SGCZ: variants seen among roughly 807,000 people sequenced by gnomAD.
SGCZ encodes sarcoglycan zeta.
In SGCZ, 40 loss-of-function variants were observed where a neutral mutation model predicts 41.3. The ratio of observed to expected loss-of-function variants is 0.97; its 90% CI spans 0.75 to 1.26. SGCZ has a LOEUF of 1.26. Ranked by LOEUF, SGCZ falls within the 50% of genes most tolerant of loss-of-function variation. The probability of loss-of-function intolerance (pLI) is 0.00; values close to 1 mark genes in which losing one functional copy is unlikely to be tolerated. For missense variants in SGCZ, 552 were observed against 369.8 expected (o/e 1.49, Z -4.04); for synonymous variants, 206 against 137.5 (o/e 1.50, Z -3.49).
At position 14,649,048 on chromosome 8, in the gene SGCZ, C is replaced by T. The variant is rs551585380; in HGVS notation, c.40-94122G>A. Among the ~76,000 whole-genome samples, 197 of 152,186 alleles carry T rather than the reference C, an allele frequency of 1.3e-3. 3 individuals are homozygous for T. Among genetic ancestry groups the T allele is most frequent in the South Asian group, 9.3e-3 (45 of 4,820 alleles). On this transcript the variant is annotated intron_variant, in intron 1 of 7. Transcript: ENST00000382080. The stretch of plus-strand genomic sequence containing the variant: ...GCTGCTGTTTGATCATTTAAAATCA[C>T]GTGTTACATAAATCCTTTTAGCAAC...
At chr8:15,039,900 T>C (rs1172559104) in intron 1 of SGCZ, among the ~76,000 whole-genome samples, 3 of 152,210 alleles carry the variant, frequency 2.0e-5, no homozygotes, top group Non-Finnish European at 4.4e-5. Flanking sequence ...ACTACTAAGT[T>C]CCAATACCAT....
intron 1 of SGCZ, among the ~76,000 whole-genome samples, chr8:14,620,820 AAC>A (rs2117368872): frequency 6.6e-6 from 1 of 152,290 alleles, no homozygotes; most frequent in African/African-American, 2.4e-5. Flanking sequence ...GAGAAATAGG[AAC>A]ACTTTTACAC....
chr8:14,788,020 A>G (rs1190277873), intron 1 of SGCZ, among the ~76,000 whole-genome samples: 1 of 152,148 alleles, frequency 6.6e-6, no homozygotes, highest in Non-Finnish European at 1.5e-5. Flanking sequence ...CAAGCTCTTC[A>G]TTTTTTATTC....
intron 3 of SGCZ, among the ~76,000 whole-genome samples, chr8:14,306,955 T>C (rs988314173): frequency 6.6e-6 from 1 of 152,192 alleles, no homozygotes; most frequent in Non-Finnish European, 1.5e-5. Flanking sequence ...ACTTCACAAA[T>C]AGTTCTCAGC....
At position 14,169,949 on chromosome 8, in the gene SGCZ, C is replaced by G. The variant is rs1804326912; in HGVS notation, c.425-5247G>C. 2.0e-5 allele frequency among the ~76,000 whole-genome samples: 3 copies of G among 152,050 alleles called. No homozygotes were observed. The South Asian group carries it at 6.2e-4, about 31-fold the overall frequency. ...GACACTCTTGGAGAAATTGCTGAAA[C>G]AGCTGGATGGAGTCAGAAACAAACT... On this transcript the variant is annotated intron_variant, in intron 4 of 7. Coordinates refer to ENST00000382080, the MANE Select transcript of SGCZ (RefSeq NM_139167.4).
chr8:15,219,257 A>C (rs1801511882), intron 1 of SGCZ, among the ~76,000 whole-genome samples: 1 of 152,168 alleles, frequency 6.6e-6, no homozygotes. Flanking sequence ...TCATGATACT[A>C]TACTTTCCTT....
chr8:14,278,173 A>T (rs969041816), intron 3 of SGCZ, among the ~76,000 whole-genome samples: 1 of 152,004 alleles, frequency 6.6e-6, no homozygotes, highest in Non-Finnish European at 1.5e-5. Flanking sequence ...ATTACTTATT[A>T]CCCTCATAAA....
intron 1 of SGCZ, among the ~76,000 whole-genome samples, chr8:14,577,200 C>A (rs543024913): frequency 6.6e-6 from 1 of 152,054 alleles, no homozygotes; most frequent in Non-Finnish European, 1.5e-5. Context: ...GACTTAGTAT[C>A]CATTCAGTAA....
intron 1 of SGCZ, among the ~76,000 whole-genome samples, chr8:15,095,593 A>AT (rs199642928): frequency 7.3e-5 from 11 of 151,346 alleles, no homozygotes; most frequent in East Asian, 5.8e-4. Context: ...AGGGTTTCAG[A>AT]TTTTTTTTTA....
At chr8:14,483,988 A>T (rs1453814478) in intron 2 of SGCZ, among the ~76,000 whole-genome samples, 6 of 152,160 alleles carry the variant, frequency 3.9e-5, no homozygotes, top group African/African-American at 1.4e-4. Context: ...GCCCATGAAA[A>T]TCCAACTTTT....
intron 1 of SGCZ, among the ~76,000 whole-genome samples, chr8:15,186,262 CAA>C (rs61237091): frequency 3.1e-4 from 25 of 80,690 alleles, no homozygotes; most frequent in African/African-American, 1.5e-3. Context: ...GATTCCGTAC[CAA>C]AAAAAAAAAA....
chr8:14,541,067 G>A (rs773013244), intron 2 of SGCZ, among the ~76,000 whole-genome samples: 1 of 150,982 alleles, frequency 6.6e-6, no homozygotes, highest in Non-Finnish European at 1.5e-5. Flanking sequence ...TAACATATGT[G>A]TATATACAAA....
At chr8:14,208,005 G>T (rs1378222061) in intron 4 of SGCZ, among the ~76,000 whole-genome samples, 1 of 152,022 alleles carries the variant, frequency 6.6e-6, no homozygotes, top group Admixed American at 6.6e-5. Flanking sequence ...CACTATGATG[G>T]ACTATTAATG....
At chr8:14,991,815 C>T (rs1441222643) in intron 1 of SGCZ, among the ~76,000 whole-genome samples, 1 of 151,148 alleles carries the variant, frequency 6.6e-6, no homozygotes, top group Non-Finnish European at 1.5e-5. Flanking sequence ...GTTTACCTCT[C>T]ACCCATCGTC....
At chr8:14,389,789 A>T (rs1225191776) in intron 2 of SGCZ, among the ~76,000 whole-genome samples, 1 of 152,070 alleles carries the variant, frequency 6.6e-6, no homozygotes, top group Non-Finnish European at 1.5e-5. Context: ...TAAAAAAAAT[A>T]ACTATGACTA....
intron 5 of SGCZ, among the ~76,000 whole-genome samples, chr8:14,144,189 T>C (rs1467416576): frequency 1.3e-5 from 2 of 152,168 alleles, no homozygotes; most frequent in Non-Finnish European, 2.9e-5. Context: ...ATCCGTCCCA[T>C]AACCCTAGGC....
intron 1 of SGCZ, among the ~76,000 whole-genome samples, chr8:14,838,220 G>C (rs1018714027): frequency 7.2e-5 from 11 of 152,092 alleles, no homozygotes; most frequent in Admixed American, 7.2e-4. Flanking sequence ...AAGATAGGTA[G>C]ATAGAATGAA....
intron 2 of SGCZ, among the ~76,000 whole-genome samples, chr8:14,370,210 T>A (rs574779527): frequency 6.6e-6 from 1 of 152,056 alleles, no homozygotes; most frequent in South Asian, 2.1e-4. Context: ...TACAAACTTC[T>A]CAGTTCTCTG....
At chr8:15,095,739 G>A (rs368400307) in intron 1 of SGCZ, among the ~76,000 whole-genome samples, 24 of 152,060 alleles carry the variant, frequency 1.6e-4, no homozygotes, top group Non-Finnish European at 2.1e-4. Flanking sequence ...TAACACAGTC[G>A]TGGCTCATAG....
Sources: allele counts gnomAD v4.1 joint callset (sites outside exome capture counted in the v4.1 genomes callset), GRCh38; gene constraint gnomAD v4.1.1; transcripts MANE v1.5; gene names NCBI Gene and HGNC (gene_info 2026-07-23, HGNC 2026-07-21).